Variants in EML6 observed in about 807,000 individuals in gnomAD.
The protein encoded by EML6 is echinoderm microtubule-associated protein-like 6.
EML6 carries 154 observed loss-of-function variants against 240.1 expected under a neutral mutation model. The observed-to-expected ratio is 0.64, with a 90% CI of 0.56 to 0.73. EML6 has a LOEUF of 0.73. Ranked by LOEUF, EML6 falls within the 30% of genes least tolerant of loss-of-function variation. The probability of loss-of-function intolerance (pLI) is 0.00; values close to 1 mark genes in which losing one functional copy is unlikely to be tolerated. For missense variants in EML6, 2,964 were observed against 2,474.6 expected (o/e 1.20, Z -4.20); for synonymous variants, 1,148 against 899.0 (o/e 1.28, Z -4.95).
rs1299790689 is a variant in EML6 at position 54,866,803 on chromosome 2, G to C, written c.1970G>C (p.Ser657Thr). ...KEDLPQLKQQ[S>T]KEKNHAVPFL... ...GATCTACCTCAGCTAAAGCAACAAA[G>C]TAAAGAGAAAAACCACGCAGTGCCC... Residue 657 changes from serine to threonine, a missense_variant, in exon 14 of 42, where the codon AGT (serine) becomes ACT (threonine). Ser to Thr is a moderately conservative substitution (Grantham distance 58). Coordinates refer to ENST00000356458, the MANE Select transcript of EML6 (RefSeq NM_001039753.4). 1 of 1,551,106 alleles carries C rather than the reference G, an allele frequency of 6.4e-7. No homozygotes were observed. Among genetic ancestry groups the C allele is most frequent in the Non-Finnish European group, 8.7e-7 (1 of 1,146,522 alleles).
At chr2:54,967,907 G>A (rs1676818102) in intron 39 of EML6, among the ~76,000 whole-genome samples, 1 of 152,144 alleles carries the variant, frequency 6.6e-6, no homozygotes, top group Admixed American at 6.5e-5. Flanking sequence ...GATCTGACAG[G>A]AGGCGGAGTT....
intron 10 of EML6, 130 bp from the exon 11 acceptor site, chr2:54,853,513 T>TGG: frequency 1.7e-6 from 1 of 595,802 alleles, no homozygotes; most frequent in Non-Finnish European, 2.6e-6. Flanking sequence ...AAATCGCAAA[T>TGG]GGGATAAAGA....
intron 2 of EML6, among the ~76,000 whole-genome samples, chr2:54,788,705 CTGT>C (rs1178020097): frequency 6.6e-6 from 1 of 152,110 alleles, no homozygotes; most frequent in Non-Finnish European, 1.5e-5. Flanking sequence ...TTGGAAATTC[CTGT>C]TGTTTTGGTG....
In EML6 at chr2:54,901,094, A is replaced by C. The variant is rs117271832; in HGVS notation, c.3124+1312A>C. ...GGCTAATATGGCTGAGCCAACAACT[A>C]TGCCAGCTCTTTCCATGTAGTCTTT... On this transcript the variant is annotated intron_variant, in intron 22 of 41. Transcript: ENST00000356458. Among the ~76,000 whole-genome samples, 6 of 152,354 alleles carry C rather than the reference A, an allele frequency of 3.9e-5. No homozygotes were observed. In the East Asian group the frequency reaches 1.2e-3, roughly 29 times the overall value.
chr2:54,908,356 C>T (rs1260009078), intron 24 of EML6, among the ~76,000 whole-genome samples: 1 of 151,982 alleles, frequency 6.6e-6, no homozygotes, highest in Non-Finnish European at 1.5e-5. Flanking sequence ...ACCACAGGTG[C>T]CTGCCACCAT....
intron 24 of EML6, among the ~76,000 whole-genome samples, chr2:54,910,513 C>G (rs1673582201): frequency 6.6e-6 from 1 of 152,192 alleles, no homozygotes; most frequent in African/African-American, 2.4e-5. Flanking sequence ...ATTTAGAACT[C>G]AGTCCTAAGT....
chr2:54,841,272 C>T (rs559906309), intron 7 of EML6, among the ~76,000 whole-genome samples: 9 of 152,286 alleles, frequency 5.9e-5, no homozygotes, highest in Middle Eastern at 3.4e-3. Context: ...ATTAATTGAC[C>T]CTGAACTACT....
intron 2 of EML6, among the ~76,000 whole-genome samples, chr2:54,793,587 G>A (rs1241853623): frequency 6.6e-6 from 1 of 152,126 alleles, no homozygotes; most frequent in Non-Finnish European, 1.5e-5. Context: ...AAAGGCTGTG[G>A]AAGAGACTGC....
At chr2:54,755,363 G>A (rs1418154061) in intron 2 of EML6, among the ~76,000 whole-genome samples, 1 of 152,126 alleles carries the variant, frequency 6.6e-6, no homozygotes, top group African/African-American at 2.4e-5. Context: ...TTCTGTATCA[G>A]TTTTAGAATT....
chr2:54,857,632 G>T, intron 11 of EML6, among the ~76,000 whole-genome samples: 1 of 152,190 alleles, frequency 6.6e-6, no homozygotes, highest in East Asian at 1.9e-4. Context: ...TGCTGGAATT[G>T]GGCAGTGCAG....
chr2:54,853,041 C>G (rs1670175718), intron 10 of EML6, among the ~76,000 whole-genome samples: 1 of 152,120 alleles, frequency 6.6e-6, no homozygotes. Flanking sequence ...TTTTCAGTGC[C>G]TAGTACTTAT....
intron 28 of EML6, among the ~76,000 whole-genome samples, chr2:54,936,517 A>G (rs952785925): frequency 6.6e-6 from 1 of 152,272 alleles, no homozygotes; most frequent in African/African-American, 2.4e-5. Flanking sequence ...AATAAGATAC[A>G]GAATAAATGG....
chr2:54,812,397 G>C (rs1202763128), intron 2 of EML6, among the ~76,000 whole-genome samples: 1 of 151,844 alleles, frequency 6.6e-6, no homozygotes, highest in African/African-American at 2.4e-5. Context: ...ATTTGTATTT[G>C]TTGATTGTAT....
chr2:54,922,027 A>T (rs1050881047), intron 26 of EML6, among the ~76,000 whole-genome samples: 2 of 152,216 alleles, frequency 1.3e-5, no homozygotes, highest in Admixed American at 1.3e-4. Flanking sequence ...GATTTCTTGG[A>T]TGTAACAGCC....
intron 2 of EML6, among the ~76,000 whole-genome samples, chr2:54,732,233 C>T (rs1447232977): frequency 2.7e-5 from 4 of 150,876 alleles, no homozygotes; most frequent in East Asian, 3.9e-4. Context: ...AGACTTTTTT[C>T]CCATTCAGTG....
chr2:54,938,163 T>A (rs751396254), intron 28 of EML6, among the ~76,000 whole-genome samples: 1 of 152,124 alleles, frequency 6.6e-6, no homozygotes, highest in Admixed American at 6.5e-5. Flanking sequence ...CTGGCCAACA[T>A]GGCAAAACTT....
chr2:54,799,546 T>C (rs903977809), intron 2 of EML6, among the ~76,000 whole-genome samples: 4 of 152,172 alleles, frequency 2.6e-5, no homozygotes, highest in African/African-American at 4.8e-5. Flanking sequence ...GGTTTCACCA[T>C]GTTGGCCAGG....
Position 54,813,692 on chromosome 2 carries a change from T to C in EML6, c.357+301T>C, listed in dbSNP as rs532336915. The stretch of plus-strand genomic sequence containing the variant: ...CCAGTAATTCTACTTTGTTGTCTGT[T>C]GTTAGCTTCCTATTTGGAGTAAGGG... On this transcript the variant is annotated intron_variant, in intron 3 of 41. Transcript: ENST00000356458. Among the ~76,000 whole-genome samples, 8 of 152,344 alleles carry C rather than the reference T, an allele frequency of 5.3e-5. No homozygotes were observed. In the South Asian group the frequency reaches 1.7e-3, roughly 32 times the overall value.
intron 17 of EML6, among the ~76,000 whole-genome samples, chr2:54,885,825 A>G (rs1270416237): frequency 1.3e-5 from 2 of 151,640 alleles, no homozygotes; most frequent in Admixed American, 6.6e-5. Flanking sequence ...GTTAGCCAGG[A>G]TGGTCTCGAT....
Sources: gnomAD v4.1 joint callset for allele counts (sites outside exome capture counted in the v4.1 genomes callset) on GRCh38, gnomAD v4.1.1 for gene constraint, MANE v1.5 for transcripts, NCBI Gene and HGNC (gene_info 2026-07-23, HGNC 2026-07-21) for gene names.